The following ZNF639 variants were observed in gnomAD, a reference collection of about 807,000 sequenced individuals.
The protein encoded by ZNF639 is zinc finger amplified in esophageal squamous cell carcinomas 1.
A neutral mutation model predicts 39.8 loss-of-function variants in ZNF639; 20 were observed. The observed-to-expected ratio is 0.50, with a 90% CI of 0.35 to 0.73. The LOEUF (loss-of-function observed/expected upper bound fraction) is 0.73, where lower values mean the gene tolerates loss of function less well. ZNF639 is among the 30% of genes least tolerant of loss of function. The probability of loss-of-function intolerance (pLI) is 0.00; values close to 1 mark genes in which losing one functional copy is unlikely to be tolerated. For synonymous variants in ZNF639, 176 were observed against 189.8 expected, an observed-to-expected ratio of 0.93 and a Z score of 0.60; for missense variants, 477 against 566.2, an observed-to-expected ratio of 0.84 and a Z score of 1.60.
intron 1 of ZNF639, chr3:179,325,154 T>A (rs1168095332): frequency 1.3e-5 from 2 of 152,320 alleles, no homozygotes; most frequent in African/African-American, 4.8e-5. Flanking sequence ...CCCGAGTAGC[T>A]CAGATTACAG....
At chr3:179,324,577 G>A (rs1727478234) in intron 1 of ZNF639, among the ~76,000 whole-genome samples, 1 of 152,170 alleles carries the variant, frequency 6.6e-6, no homozygotes, top group Non-Finnish European at 1.5e-5. Context: ...AGGATGGTTA[G>A]CATTTTTGGT....
At chr3:179,327,894 A>G (rs1727685827) in intron 2 of ZNF639, 1 of 154,430 alleles carries the variant, frequency 6.5e-6, no homozygotes, top group African/African-American at 2.4e-5. Flanking sequence ...ACTACCTAAA[A>G]ATACTTCCAA....
chr3:179,325,638 A>G (rs1415615857), intron 1 of ZNF639, among the ~76,000 whole-genome samples: 1 of 152,138 alleles, frequency 6.6e-6, no homozygotes, highest in East Asian at 1.9e-4. Flanking sequence ...TCACGCCTGT[A>G]ATCCCAGCAC....
Position 179,337,253 on chromosome 3 carries a change from T to G in ZNF639, c.*2831T>G, listed in dbSNP as rs1711562331. ...TCCAGCCTGGGTGACAGAGTGAGAC[T>G]GTCTCAAAAAAAAAAAAGAAAAGAA... On this transcript the variant is annotated 3_prime_UTR_variant, in exon 6 of 6. Transcript: ENST00000496856. 7.4e-6 allele frequency: 1 copy of G among 135,452 alleles called. No homozygotes were observed. Among genetic ancestry groups the G allele is most frequent in the African/African-American group, 2.7e-5 (1 of 36,422 alleles). The allele number at this position is 135,452 out of a possible 1,614,324, so 8.4% of individuals were successfully genotyped here. A position where few individuals can be genotyped will look rare whatever the true frequency, so the allele number is the denominator to read the frequency against.
intron 4 of ZNF639, among the ~76,000 whole-genome samples, chr3:179,331,645 C>T (rs774401375): frequency 7.3e-4 from 111 of 151,856 alleles, no homozygotes; most frequent in Non-Finnish European, 1.4e-3. Context: ...CGTGGTGGTG[C>T]GTGCCTGTAA....
chr3:179,329,662 T>C lies in ZNF639; in HGVS notation c.103T>C (p.Phe35Leu). The C allele has an allele frequency of 1.2e-6, 2 of 1,610,260 alleles. No homozygotes were observed. Among genetic ancestry groups the C allele is most frequent in the Non-Finnish European group, 1.7e-6 (2 of 1,178,346 alleles). ...SRIADGFNGI[F>L]SDHCYSVCSM... ...AATTGCAGATGGATTCAATGGAATT[T>C]TCTCTGATCATTGTTACAGTGTCTG... is the stretch of plus-strand genomic sequence containing the variant. Residue 35 changes from phenylalanine to leucine, a missense_variant, in exon 4 of 6, where the codon TTC becomes CTC. Coordinates refer to ENST00000496856, the MANE Select transcript of ZNF639 (RefSeq NM_001303426.2).
intron 4 of ZNF639, among the ~76,000 whole-genome samples, chr3:179,330,630 T>A (rs1285730052): frequency 1.3e-5 from 2 of 152,058 alleles, no homozygotes; most frequent in African/African-American, 4.8e-5. Flanking sequence ...AATGCAGGAG[T>A]GACTCAGAGT....
rs901868643 is a variant in ZNF639, at chr3:179,332,881, T to G, written c.170-108T>G. On this transcript the variant is annotated intron_variant, in intron 4 of 5. Coordinates refer to ENST00000496856, the MANE Select transcript of ZNF639 (RefSeq NM_001303426.2). ...TCTTTTTATGACTAAATCCAAGTCC[T>G]TAGTTCCTGTTGGAATTCAAAATCA... The G allele has an allele frequency of 7.2e-6, 10 of 1,395,018 alleles. No homozygotes were observed. In the South Asian group the frequency reaches 1.7e-4, roughly 23 times the overall value. The allele number at this position is 1,395,018 out of a possible 1,614,324, so 86.4% of individuals were successfully genotyped here.
Position 179,329,728 on chromosome 3 carries a change from G to C in ZNF639, c.169G>C (p.Asp57His). 6.5e-7 allele frequency: 1 copy of C among 1,550,304 alleles called. No homozygotes were observed. Among genetic ancestry groups the C allele is most frequent in the African/African-American group, 1.4e-5 (1 of 73,078 alleles). ...QPDLKYFDNK[D>H]DDSDTETSND... ...AGATTTAAAATATTTTGACAACAAAGGTATATCTAATATTTTCGAAAATAT... is the reference window on the plus strand; with the variant it reads ...AGATTTAAAATATTTTGACAACAAACGTATATCTAATATTTTCGAAAATAT... Residue 57 changes from aspartate (D) to histidine (H), a missense_variant and splice_region_variant, in exon 4 of 6, where the codon GAT becomes CAT. Transcript: ENST00000496856.
At position 179,333,923 on chromosome 3, in the gene ZNF639, A is replaced by G. The variant is rs766119562; in HGVS notation, c.959A>G (p.Gln320Arg). ...EHSCDEQYLC[Q>R]FCEHETNDPE... ...AGCTGTGATGAACAGTACTTGTGTCAGTTCTGTGAACATGAAACTAATGAT... is the reference window on the plus strand; with the variant it reads ...AGCTGTGATGAACAGTACTTGTGTCGGTTCTGTGAACATGAAACTAATGAT... Residue 320 changes from glutamine to arginine, a missense_variant, in exon 6 of 6, where the codon CAG (glutamine) becomes CGG (arginine). Transcript: ENST00000496856. The G allele has an allele frequency of 6.2e-7, 1 of 1,614,078 alleles. No individual in the cohort carries two copies. The highest frequency in any genetic ancestry group is 8.5e-7 in the Non-Finnish European group (1 of 1,180,034).
rs1455841506 is a variant in ZNF639 at position 179,337,671 on chromosome 3, G to A, written c.*3249G>A. On this transcript the variant is annotated 3_prime_UTR_variant, in exon 6 of 6. Coordinates refer to ENST00000496856, the MANE Select transcript of ZNF639 (RefSeq NM_001303426.2). Reference sequence around the variant, plus strand: ...ACTTTTTGATGAATCTGCAGCTTCAGGACCTATCCCAATGACAGTTTGTCC... The same window carrying A: ...ACTTTTTGATGAATCTGCAGCTTCAAGACCTATCCCAATGACAGTTTGTCC... 1 of 152,040 alleles carries A rather than the reference G, an allele frequency of 6.6e-6. No individual in the cohort carries two copies. Among genetic ancestry groups the A allele is most frequent in the Non-Finnish European group, 1.5e-5 (1 of 68,056 alleles). 9.4% of individuals were successfully genotyped at this position (152,040 alleles called of 1,614,324 possible).
chr3:179,332,030 T>C (rs1344129806), intron 4 of ZNF639, among the ~76,000 whole-genome samples: 1 of 152,134 alleles, frequency 6.6e-6, no homozygotes, highest in Non-Finnish European at 1.5e-5. Flanking sequence ...TTAGTACTCC[T>C]CAAGGAGTGA....
rs1319408102 is a variant in ZNF639 at position 179,336,206 on chromosome 3, G to C, written c.*1784G>C. The stretch of plus-strand genomic sequence containing the variant: ...AAATAAGGTCATATTCTAAGGTGCT[G>C]AGGTTTAGGACTTCAACATATGAAT... On this transcript the variant is annotated 3_prime_UTR_variant, in exon 6 of 6. Coordinates refer to ENST00000496856, the MANE Select transcript of ZNF639 (RefSeq NM_001303426.2). 1 of 152,210 alleles carries C rather than the reference G, an allele frequency of 6.6e-6. No individual in the cohort carries two copies. Among genetic ancestry groups the C allele is most frequent in the Non-Finnish European group, 1.5e-5 (1 of 68,052 alleles). The allele number at this position is 152,210 out of a possible 1,614,324, so 9.4% of individuals were successfully genotyped here. A position where few individuals can be genotyped will look rare whatever the true frequency, so the allele number is the denominator to read the frequency against.
Position 179,333,490 on chromosome 3 carries a change from T to C in ZNF639, c.526T>C (p.Cys176Arg), listed in dbSNP as rs769130028. 7 of 1,614,054 alleles carry C rather than the reference T, an allele frequency of 4.3e-6. No homozygotes were observed. In the Middle Eastern group the frequency reaches 4.9e-4, roughly 114 times the overall value. The stretch of plus-strand genomic sequence containing the variant: ...TGATGAAGAACCGCCAGCTAAACTT[T>C]GTAAAATTCTTGACAAGAGCCAAGC... ...QTDEEPPAKL[C>R]KILDKSQALN... Residue 176 changes from cysteine (C) to arginine (R), a missense_variant, in exon 6 of 6, where the codon TGT (cysteine) becomes CGT (arginine). Physicochemically the swap from Cys to Arg is radical, Grantham distance 180. Coordinates refer to ENST00000496856, the MANE Select transcript of ZNF639 (RefSeq NM_001303426.2).
intron 1 of ZNF639, among the ~76,000 whole-genome samples, chr3:179,324,652 T>C (rs974837105): frequency 6.6e-6 from 1 of 152,234 alleles, no homozygotes; most frequent in African/African-American, 2.4e-5. Flanking sequence ...CGTTCGGCCC[T>C]AAGTAGGAGT....
intron 1 of ZNF639, among the ~76,000 whole-genome samples, chr3:179,326,362 A>G (rs1727593147): frequency 1.3e-5 from 2 of 152,152 alleles, no homozygotes. Flanking sequence ...CTCCGTTTCA[A>G]ATAAATAAAT....
rs1166642842 is a variant in ZNF639 at position 179,336,643 on chromosome 3, A to G, written c.*2221A>G. On this transcript the variant is annotated 3_prime_UTR_variant, in exon 6 of 6. Coordinates refer to ENST00000496856, the MANE Select transcript of ZNF639 (RefSeq NM_001303426.2). The stretch of plus-strand genomic sequence containing the variant: ...CTCCAGTTTTCTAAGTTCCTTGCAG[A>G]AATAGAAATGTAGATAGCTATGAGG... 6.6e-6 allele frequency: 1 copy of G among 152,256 alleles called. No homozygotes were observed. The highest frequency in any genetic ancestry group is 1.5e-5 in the Non-Finnish European group (1 of 68,038). The allele number at this position is 152,256 out of a possible 1,614,324, so 9.4% of individuals were successfully genotyped here.
Position 179,323,382 on chromosome 3 carries a change from G to C in ZNF639, c.-83+91G>C, listed in dbSNP as rs906897828. 5.3e-5 allele frequency: 52 copies of C among 985,536 alleles called. No individual in the cohort carries two copies. In the African/African-American group the frequency reaches 8.7e-4, roughly 17 times the overall value. 61.0% of individuals were successfully genotyped at this position (985,536 alleles called of 1,614,324 possible). A position where few individuals can be genotyped will look rare whatever the true frequency, so the allele number is the denominator to read the frequency against. ...CGCATCTTCTAACGGGAGAGGGCGG[G>C]AGAGACCGGAGCTCCCTTTATACGG... On this transcript the variant is annotated intron_variant, in intron 1 of 5. Coordinates refer to ENST00000496856, the MANE Select transcript of ZNF639 (RefSeq NM_001303426.2).
In ZNF639 at chr3:179,325,927, C is replaced by A. The variant is rs953597817; in HGVS notation, c.-82-1634C>A. ...AAACTGAAAAAGCACTATCTCATTC[C>A]CTGCTGTATTATATCACTTCAGTGC... On this transcript the variant is annotated intron_variant, in intron 1 of 5. Transcript: ENST00000496856. 2.6e-5 allele frequency among the ~76,000 whole-genome samples: 4 copies of A among 151,950 alleles called. No individual in the cohort carries two copies. In the South Asian group the frequency reaches 8.3e-4, roughly 32 times the overall value.
Sources: allele counts gnomAD v4.1 joint callset (sites outside exome capture counted in the v4.1 genomes callset), GRCh38; gene constraint gnomAD v4.1.1; transcripts MANE v1.5; gene names NCBI Gene and HGNC (gene_info 2026-07-23, HGNC 2026-07-21).